Variants in RBM20 observed in about 807,000 individuals in gnomAD.
RBM20 encodes the protein RNA-binding protein 20.
In RBM20, 51 loss-of-function variants were observed where a neutral mutation model predicts 110.1. The observed-to-expected ratio is 0.46, with a 90% CI of 0.37 to 0.59. RBM20 has a LOEUF of 0.59. Among genes scored for constraint, RBM20 ranks in the 20% least tolerant of loss-of-function variants. RBM20 has a pLI of 0.00. For synonymous variants in RBM20, 589 were observed against 618.2 expected, an observed-to-expected ratio of 0.95 and a Z score of 0.70; for missense variants, 1,512 against 1,574.9, an observed-to-expected ratio of 0.96 and a Z score of 0.68.
intron 1 of RBM20, among the ~76,000 whole-genome samples, chr10:110,698,358 G>A (rs954364240): frequency 2.0e-5 from 3 of 152,302 alleles, no homozygotes; most frequent in East Asian, 3.9e-4. Flanking sequence ...GGGGAGCACC[G>A]GAAAAAGAGG....
chr10:110,826,011 T>C (rs966594490), intron 12 of RBM20, among the ~76,000 whole-genome samples: 5 of 152,234 alleles, frequency 3.3e-5, no homozygotes, highest in African/African-American at 1.2e-4. Flanking sequence ...CAGTGGTATG[T>C]GTATGCCAGT....
chr10:110,760,389 A>G (rs1457577724), intron 1 of RBM20, among the ~76,000 whole-genome samples: 8 of 144,144 alleles, frequency 5.6e-5, no homozygotes, highest in Non-Finnish European at 1.2e-4. Flanking sequence ...ACTATAAGCT[A>G]CATGGGTCAA....
At chr10:110,680,524 T>C (rs1423624745) in intron 1 of RBM20, among the ~76,000 whole-genome samples, 2 of 152,156 alleles carry the variant, frequency 1.3e-5, no homozygotes, top group Non-Finnish European at 2.9e-5. Context: ...GCTGGCATGA[T>C]GGATGGCCTC....
chr10:110,777,749 A>G (rs769380211), intron 1 of RBM20, among the ~76,000 whole-genome samples: 2 of 152,148 alleles, frequency 1.3e-5, no homozygotes, highest in Non-Finnish European at 2.9e-5. Context: ...GGGAATCTCT[A>G]CTAAGAGCTC....
intron 6 of RBM20, among the ~76,000 whole-genome samples, chr10:110,799,076 A>G (rs1480425315): frequency 6.6e-6 from 1 of 152,232 alleles, no homozygotes; most frequent in African/African-American, 2.4e-5. Flanking sequence ...TTTAACTCAC[A>G]ACAACATGGC....
At chr10:110,803,599 T>C (rs1844657873) in intron 7 of RBM20, among the ~76,000 whole-genome samples, 1 of 152,124 alleles carries the variant, frequency 6.6e-6, no homozygotes, top group East Asian at 1.9e-4. Context: ...CATTATTTTC[T>C]GATCTTTAGC....
intron 7 of RBM20, 102 bp from the exon 8 acceptor site, chr10:110,810,281 C>G: frequency 1.2e-6 from 1 of 827,890 alleles, no homozygotes; most frequent in Non-Finnish European, 2.0e-6. Flanking sequence ...TATTTTTTCC[C>G]TTTTGGTGGA....
chr10:110,832,212 G>A (rs972955596), intron 13 of RBM20, among the ~76,000 whole-genome samples: 4 of 152,180 alleles, frequency 2.6e-5, no homozygotes, highest in African/African-American at 9.7e-5. Flanking sequence ...ATATCAGAGG[G>A]CCAGGGGTAA....
At chr10:110,654,040 G>A (rs1005289893) in intron 1 of RBM20, among the ~76,000 whole-genome samples, 4 of 152,100 alleles carry the variant, frequency 2.6e-5, no homozygotes, top group Non-Finnish European at 4.4e-5. Context: ...TTAACATGGC[G>A]GCCACCGGAT....
At chr10:110,796,760 A>C (rs934248694) in intron 5 of RBM20, among the ~76,000 whole-genome samples, 2 of 152,200 alleles carry the variant, frequency 1.3e-5, no homozygotes, top group African/African-American at 4.8e-5. Context: ...CTTCTTAAAA[A>C]AAATTATTCT....
chr10:110,678,228 A>G (rs938508670), intron 1 of RBM20, among the ~76,000 whole-genome samples: 2 of 152,272 alleles, frequency 1.3e-5, no homozygotes, highest in African/African-American at 4.8e-5. Flanking sequence ...ACAAATCCCT[A>G]TAAAAACCTA....
intron 1 of RBM20, among the ~76,000 whole-genome samples, chr10:110,652,460 TC>T (rs1374333186): frequency 2.0e-5 from 3 of 152,238 alleles, no homozygotes; most frequent in Admixed American, 1.3e-4. Flanking sequence ...ACTATTTTTT[TC>T]TTTATCTATT....
intron 1 of RBM20, among the ~76,000 whole-genome samples, chr10:110,703,493 T>C (rs1243155206): frequency 6.6e-6 from 1 of 152,144 alleles, no homozygotes; most frequent in African/African-American, 2.4e-5. Flanking sequence ...GTTCCCCCAG[T>C]GATAACAGTT....
chr10:110,699,458 G>A (rs1194754965), intron 1 of RBM20, among the ~76,000 whole-genome samples: 1 of 151,826 alleles, frequency 6.6e-6, no homozygotes, highest in Non-Finnish European at 1.5e-5. Context: ...TTTTAGTAGA[G>A]ATGGGGTTTC....
intron 7 of RBM20, among the ~76,000 whole-genome samples, chr10:110,803,870 C>CAGG (rs1382433844): frequency 6.8e-6 from 1 of 146,610 alleles, no homozygotes; most frequent in Non-Finnish European, 1.5e-5. Context: ...ATGAAACGTC[C>CAGG]AGGAGTAGAT....
At chr10:110,671,865 G>A (rs1862265058) in intron 1 of RBM20, among the ~76,000 whole-genome samples, 1 of 152,152 alleles carries the variant, frequency 6.6e-6, no homozygotes, top group Non-Finnish European at 1.5e-5. Context: ...CCATTCTGGT[G>A]TGATTATTGA....
Position 110,781,537 on chromosome 10 carries a change from C to T in RBM20, c.928C>T (p.Pro310Ser). ...TGGGGGCCTGAAAAGTGAGGTCGGG[C>T]CACTGCTGCAGGGCACAAACAGCCA... is the stretch of plus-strand genomic sequence containing the variant. ...QAGGLKSEVGPLLQGTNSQWE... is the reference protein window; with the variant it reads ...QAGGLKSEVGSLLQGTNSQWE... The change falls in exon 2 of 14, where the codon CCA becomes TCA. Residue 310 changes from proline to serine, a missense_variant. Coordinates refer to ENST00000369519, the MANE Select transcript of RBM20 (RefSeq NM_001134363.3). The T allele has an allele frequency of 6.4e-7, 1 of 1,551,684 alleles. No individual in the cohort carries two copies. Among genetic ancestry groups the T allele is most frequent in the Non-Finnish European group, 8.7e-7 (1 of 1,146,992 alleles).
rs1845161513 is a variant in RBM20 at position 110,838,481 on chromosome 10, G to A, written c.*2503G>A. Reference sequence around the variant, plus strand: ...TTGTGTGTCTTTCTTCCTACTGAAGGGAATTGTGGGGGCAGTTCTTTGGCC... The same window carrying A: ...TTGTGTGTCTTTCTTCCTACTGAAGAGAATTGTGGGGGCAGTTCTTTGGCC... On this transcript the variant is annotated 3_prime_UTR_variant, in exon 14 of 14. Transcript: ENST00000369519. 6.6e-6 allele frequency: 1 copy of A among 152,196 alleles called. No homozygotes were observed. Among genetic ancestry groups the A allele is most frequent in the African/African-American group, 2.4e-5 (1 of 41,450 alleles). 9.4% of individuals were successfully genotyped at this position (152,196 alleles called of 1,614,324 possible). A position where few individuals can be genotyped will look rare whatever the true frequency, so the allele number is the denominator to read the frequency against.
At chr10:110,767,764 A>G (rs1844125388) in intron 1 of RBM20, among the ~76,000 whole-genome samples, 1 of 151,520 alleles carries the variant, frequency 6.6e-6, no homozygotes, top group South Asian at 2.1e-4. Context: ...CACTTCCTAG[A>G]TGGGATGGCA....
Sources: allele counts gnomAD v4.1 joint callset (sites outside exome capture counted in the v4.1 genomes callset), GRCh38; gene constraint gnomAD v4.1.1; transcripts MANE v1.5; gene names NCBI Gene and HGNC (gene_info 2026-07-23, HGNC 2026-07-21).